CASR: variants seen among roughly 807,000 people sequenced by gnomAD.
CASR encodes the protein extracellular calcium-sensing receptor.
A neutral mutation model predicts 69.1 loss-of-function variants in CASR; 23 were observed. That is an observed-to-expected ratio of 0.33 (90% confidence interval 0.24 to 0.47). The LOEUF (loss-of-function observed/expected upper bound fraction) is 0.47, where lower values mean the gene tolerates loss of function less well. Ranked by LOEUF, CASR falls within the 20% of genes least tolerant of loss-of-function variation. The pLI is 1.00. For synonymous variants in CASR, 541 were observed against 544.7 expected, an observed-to-expected ratio of 0.99 and a Z score of 0.10; for missense variants, 924 against 1,356.1, an observed-to-expected ratio of 0.68 and a Z score of 5.00.
At chr3:122,272,370 T>G (rs1467222582) in intron 4 of CASR, among the ~76,000 whole-genome samples, 1 of 152,206 alleles carries the variant, frequency 6.6e-6, no homozygotes. Flanking sequence ...TGTTCTCTAG[T>G]ACATACATGA....
chr3:122,205,514 C>T (rs2073998162), intron 1 of CASR, among the ~76,000 whole-genome samples: 1 of 151,972 alleles, frequency 6.6e-6, no homozygotes, highest in East Asian at 1.9e-4. Flanking sequence ...TAGTGTGATG[C>T]CTCTGGCTTT....
At chr3:122,205,919 T>C (rs1256931414) in intron 1 of CASR, among the ~76,000 whole-genome samples, 1 of 152,120 alleles carries the variant, frequency 6.6e-6, no homozygotes, top group Non-Finnish European at 1.5e-5. Context: ...TGTTGATTTT[T>C]GTATCCTGCA....
chr3:122,273,771 C>T (rs1415219780), intron 4 of CASR, among the ~76,000 whole-genome samples: 1 of 152,060 alleles, frequency 6.6e-6, no homozygotes, highest in African/African-American at 2.4e-5. Flanking sequence ...AGGTTTCGAG[C>T]AATGTGGGAG....
chr3:122,225,840 T>C (rs1397626831), intron 1 of CASR, among the ~76,000 whole-genome samples: 1 of 152,154 alleles, frequency 6.6e-6, no homozygotes, highest in African/African-American at 2.4e-5. Flanking sequence ...CCATCAGTGG[T>C]GGACTGGATA....
At chr3:122,224,358 A>G (rs1484019770) in intron 1 of CASR, among the ~76,000 whole-genome samples, 5 of 152,234 alleles carry the variant, frequency 3.3e-5, no homozygotes, top group Non-Finnish European at 7.3e-5. Context: ...AGGATACAAA[A>G]TCAATGTACA....
intron 1 of CASR, among the ~76,000 whole-genome samples, chr3:122,186,369 G>C (rs2073783473): frequency 6.6e-6 from 1 of 152,168 alleles, no homozygotes; most frequent in Admixed American, 6.5e-5. Context: ...CTTGTGATAG[G>C]GTAGGGGTAT....
chr3:122,209,390 A>T (rs34958994), intron 1 of CASR, among the ~76,000 whole-genome samples: 1,606 of 152,322 alleles, frequency 0.011, 27 homozygotes, highest in African/African-American at 0.036. Flanking sequence ...GCTGATAAAG[A>T]TGGGCAATTT....
chr3:122,230,512 C>A (rs1576836259), intron 1 of CASR, among the ~76,000 whole-genome samples: 3 of 152,310 alleles, frequency 2.0e-5, no homozygotes, highest in Admixed American at 2.0e-4. Flanking sequence ...GAGGGGCTTC[C>A]CCTCTCTGCG....
intron 1 of CASR, chr3:122,184,339 T>G (rs2073753159): frequency 6.5e-6 from 1 of 152,680 alleles, no homozygotes; most frequent in Admixed American, 6.6e-5. Context: ...CTGCGGGGGC[T>G]GCTGTGGCCG....
chr3:122,283,864 T>C lies in CASR; in HGVS notation c.1910T>C (p.Phe637Ser). The C allele has an allele frequency of 1.2e-6, 2 of 1,613,996 alleles. No homozygotes were observed. Among genetic ancestry groups the C allele is most frequent in the East Asian group, 4.5e-5 (2 of 44,878 alleles). Residue 637 changes from phenylalanine (F) to serine (S), a missense_variant, in exon 7 of 7, where the codon TTC becomes TCC. By Grantham distance (155) the Phe-to-Ser change is radical. Transcript: ENST00000639785. Reference sequence around the variant, plus strand: ...TTTGTGCTGGGTGTGTTTATCAAGTTCCGCAACACACCCATTGTCAAGGCC... The same window carrying C: ...TTTGTGCTGGGTGTGTTTATCAAGTCCCGCAACACACCCATTGTCAAGGCC... Reference protein sequence around the residue: ...TAFVLGVFIKFRNTPIVKATN... With the variant: ...TAFVLGVFIKSRNTPIVKATN...
intron 1 of CASR, among the ~76,000 whole-genome samples, chr3:122,236,958 G>A (rs1447700941): frequency 6.6e-6 from 1 of 151,962 alleles, no homozygotes; most frequent in East Asian, 1.9e-4. Context: ...TGGTAAATTA[G>A]GCAAGAATAA....
At position 122,284,517 on chromosome 3, in the gene CASR, A is replaced by C. The variant is rs2074940790; in HGVS notation, c.2563A>C (p.Asn855His). Residue 855 changes from asparagine to histidine, a missense_variant, in exon 7 of 7, where the codon AAC (asparagine) becomes CAC (histidine). By Grantham distance (68) the Asn-to-His change is moderately conservative. Transcript: ENST00000639785. ...TGGCTTGCTGGCGTGCATCTTCTTCAACAAGATCTACATCATTCTCTTCAA... is the reference window on the plus strand; with the variant it reads ...TGGCTTGCTGGCGTGCATCTTCTTCCACAAGATCTACATCATTCTCTTCAA... ...SFGLLACIFFNKIYIILFKPS... is the reference protein window; with the variant it reads ...SFGLLACIFFHKIYIILFKPS... 2 of 1,613,528 alleles carry C rather than the reference A, an allele frequency of 1.2e-6. No individual in the cohort carries two copies. Among genetic ancestry groups the C allele is most frequent in the Non-Finnish European group, 1.7e-6 (2 of 1,180,046 alleles).
At chr3:122,199,118 A>G (rs1335618517) in intron 1 of CASR, among the ~76,000 whole-genome samples, 1 of 152,240 alleles carries the variant, frequency 6.6e-6, no homozygotes, top group African/African-American at 2.4e-5. Flanking sequence ...AATTGCGTCA[A>G]TATACATGGA....
Position 122,285,041 on chromosome 3 carries a change from A to T in CASR, c.3087A>T (p.Glu1029Asp), listed in dbSNP as rs200786703. The change falls in exon 7 of 7, where the codon GAA becomes GAT. Residue 1029 changes from glutamate (E) to aspartate (D), a missense_variant. Coordinates refer to ENST00000639785, the MANE Select transcript of CASR (RefSeq NM_000388.4). ...GETDLDLTVQ[E>D]TGLQGPVGGD... ...CGGACTTAGATCTGACCGTCCAGGA[A>T]ACAGGTCTGCAAGGACCTGTGGGTG... The T allele has an allele frequency of 6.2e-7, 1 of 1,614,168 alleles. No individual in the cohort carries two copies. The highest frequency in any genetic ancestry group is 1.7e-5 in the Admixed American group (1 of 60,026).
chr3:122,187,201 G>A (rs2073794227), intron 1 of CASR, among the ~76,000 whole-genome samples: 1 of 152,064 alleles, frequency 6.6e-6, no homozygotes, highest in Non-Finnish European at 1.5e-5. Flanking sequence ...GTGAAAATAG[G>A]TGTGGCAGGT....
intron 1 of CASR, among the ~76,000 whole-genome samples, chr3:122,200,401 T>C (rs1309954426): frequency 6.6e-6 from 1 of 152,192 alleles, no homozygotes; most frequent in East Asian, 1.9e-4. Context: ...CATACATATA[T>C]TACCTTATAC....
chr3:122,264,015 A>G (rs541463601), intron 4 of CASR, among the ~76,000 whole-genome samples: 28 of 152,198 alleles, frequency 1.8e-4, no homozygotes, highest in African/African-American at 6.7e-4. Flanking sequence ...AACAGGCTTC[A>G]AGGGGGAAAC....
intron 1 of CASR, among the ~76,000 whole-genome samples, chr3:122,230,910 G>A (rs1281919948): frequency 6.6e-6 from 1 of 152,132 alleles, no homozygotes; most frequent in Non-Finnish European, 1.5e-5. Context: ...TTGCAAACCT[G>A]CTTCCAAATA....
intron 1 of CASR, among the ~76,000 whole-genome samples, chr3:122,201,629 C>T (rs561356069): frequency 2.7e-3 from 327 of 121,478 alleles, no homozygotes; most frequent in African/African-American, 0.01. Flanking sequence ...CGGGCGGGGG[C>T]GACCCCCCAC....
Sources: gnomAD v4.1 joint callset for allele counts (sites outside exome capture counted in the v4.1 genomes callset) on GRCh38, gnomAD v4.1.1 for gene constraint, MANE v1.5 for transcripts, NCBI Gene and HGNC (gene_info 2026-07-23, HGNC 2026-07-21) for gene names.